The following DAB1 variants were observed in gnomAD, a reference collection of about 807,000 sequenced individuals.
The protein encoded by DAB1 is DAB adaptor protein 1.
A neutral mutation model predicts 64.6 loss-of-function variants in DAB1; 15 were observed. The observed-to-expected ratio is 0.23, with a 90% CI of 0.16 to 0.36. DAB1 has a LOEUF of 0.36. Among genes scored for constraint, DAB1 ranks in the 10% least tolerant of loss-of-function variants. DAB1 has a pLI of 1.00. For synonymous variants in DAB1, 235 were observed against 251.9 expected (o/e 0.93, Z 0.64); for missense variants, 596 against 706.7 (o/e 0.84, Z 1.78).
chr1:57,072,627 G>A (rs1237897034), intron 4 of DAB1, among the ~76,000 whole-genome samples: 1 of 152,170 alleles, frequency 6.6e-6, no homozygotes, highest in African/African-American at 2.4e-5. Flanking sequence ...AGAAACATAG[G>A]ATTGTTCATA....
At chr1:57,123,631 G>A (rs116021233) in intron 4 of DAB1, among the ~76,000 whole-genome samples, 170 of 152,202 alleles carry the variant, frequency 1.1e-3, no homozygotes, top group Non-Finnish European at 1.2e-3. Context: ...TGACAGTAGT[G>A]TTCAAAGCTG....
intron 4 of DAB1, among the ~76,000 whole-genome samples, chr1:58,293,739 C>G (rs1661902879): frequency 6.6e-6 from 1 of 152,180 alleles, no homozygotes; most frequent in East Asian, 1.9e-4. Context: ...CAGGCAGAAG[C>G]CATAAGCCCC....
At chr1:57,136,408 A>G (rs1387797162) in intron 4 of DAB1, 135 bp downstream of exon 4, 13 of 441,990 alleles carry the variant, frequency 2.9e-5, no homozygotes, top group Non-Finnish European at 8.0e-6. Context: ...ATGGATGATC[A>G]GAGTTGATCA....
At chr1:57,894,419 T>C (rs115468171) in intron 5 of DAB1, among the ~76,000 whole-genome samples, 1,583 of 152,246 alleles carry the variant, frequency 0.01, 33 homozygotes, top group African/African-American at 0.037. Flanking sequence ...GAGGCCTCTT[T>C]AAGGAAGTGA....
intron 6 of DAB1, among the ~76,000 whole-genome samples, chr1:57,709,499 G>A (rs1395574051): frequency 6.6e-6 from 1 of 151,876 alleles, no homozygotes; most frequent in African/African-American, 2.4e-5. Context: ...ATTGTCTGGG[G>A]TAATAACCGA....
intron 9 of DAB1, chr1:57,033,535 A>C (rs1647031469): frequency 6.2e-7 from 1 of 1,612,906 alleles, no homozygotes; most frequent in East Asian, 2.2e-5. Flanking sequence ...GGGTGGCTGC[A>C]GCAAACCGTT....
chr1:57,075,264 TTTTAA>T (rs1325051476), intron 4 of DAB1, among the ~76,000 whole-genome samples: 1 of 152,206 alleles, frequency 6.6e-6, no homozygotes, highest in Non-Finnish European at 1.5e-5. Context: ...GATGGAGATG[TTTTAA>T]TTTATCTGGG....
intron 5 of DAB1, among the ~76,000 whole-genome samples, chr1:57,941,186 GA>G (rs973950993): frequency 1.1e-4 from 16 of 152,162 alleles, no homozygotes; most frequent in Non-Finnish European, 1.2e-4. Context: ...CCAAGTTGTG[GA>G]CTCAAGCGCA....
chr1:57,348,617 T>C (rs1678317030), intron 1 of DAB1, among the ~76,000 whole-genome samples: 1 of 152,126 alleles, frequency 6.6e-6, no homozygotes, highest in South Asian at 2.1e-4. Context: ...TCACTCATCT[T>C]GCCAGAGTCA....
intron 4 of DAB1, among the ~76,000 whole-genome samples, chr1:58,251,217 T>C (rs1205915059): frequency 6.6e-6 from 1 of 152,234 alleles, no homozygotes; most frequent in African/African-American, 2.4e-5. Context: ...GAGGTAATTA[T>C]ATATCAGTAA....
chr1:57,642,460 C>T (rs1646141543), intron 7 of DAB1, among the ~76,000 whole-genome samples: 1 of 152,158 alleles, frequency 6.6e-6, no homozygotes, highest in African/African-American at 2.4e-5. Flanking sequence ...ACAAGATCCA[C>T]TTCCATATGT....
chr1:58,448,404 T>C (rs1645095400), intron 3 of DAB1, among the ~76,000 whole-genome samples: 1 of 152,196 alleles, frequency 6.6e-6, no homozygotes. Flanking sequence ...AATTTTACAA[T>C]AAGAAAACTG....
intron 6 of DAB1, among the ~76,000 whole-genome samples, chr1:57,715,855 A>G (rs886365889): frequency 4.6e-5 from 7 of 152,208 alleles, no homozygotes; most frequent in Non-Finnish European, 7.3e-5. Context: ...CAATGTCCAT[A>G]TTACCCAAAT....
At position 57,740,734 on chromosome 1, in the gene DAB1, C is replaced by T. The variant is rs146674308; in HGVS notation, n.552-91069G>A. 6.8e-4 allele frequency among the ~76,000 whole-genome samples: 104 copies of T among 152,202 alleles called. No homozygotes were observed. The South Asian group carries it at 0.013, about 20-fold the overall frequency. On this transcript the variant is annotated intron_variant and non_coding_transcript_variant, in intron 6 of 20. Coordinates refer to the DAB1 transcript ENST00000485760. ...TACACAGTTCACACATCATAGATGTCGGCGATTCTGATTGTCTGCTGTCTT... is the reference window on the plus strand; with the variant it reads ...TACACAGTTCACACATCATAGATGTTGGCGATTCTGATTGTCTGCTGTCTT...
chr1:57,014,425 G>A lies in DAB1; in HGVS notation c.1444+458C>T, dbSNP rs116606995. On this transcript the variant is annotated intron_variant, in intron 12 of 14. Coordinates refer to ENST00000371236, the MANE Select transcript of DAB1 (RefSeq NM_001365792.1). ...AAAACTTGTTCCCCAAATTTTTAAA[G>A]TTTGCATTCATTTTATTTCAATAAG... Among the ~76,000 whole-genome samples the A allele has an allele frequency of 3.8e-3, 574 of 152,236 alleles. 8 individuals carry two copies. The highest frequency in any genetic ancestry group is 0.013 in the African/African-American group (547 of 41,532).
intron 1 of DAB1, among the ~76,000 whole-genome samples, chr1:57,412,256 C>T (rs975553035): frequency 6.6e-6 from 1 of 152,190 alleles, no homozygotes; most frequent in African/African-American, 2.4e-5. Context: ...CACTGAGACA[C>T]AGCAATATTG....
chr1:57,238,355 C>T (rs1668244020), intron 2 of DAB1, among the ~76,000 whole-genome samples: 1 of 152,164 alleles, frequency 6.6e-6, no homozygotes, highest in Non-Finnish European at 1.5e-5. Context: ...GCACCTGTGC[C>T]ACAGCAACCT....
At chr1:57,992,673 C>G (rs1274100108) in intron 5 of DAB1, among the ~76,000 whole-genome samples, 4 of 152,104 alleles carry the variant, frequency 2.6e-5, no homozygotes, top group African/African-American at 9.7e-5. Context: ...CCTAACTGAT[C>G]ATTGTATTAA....
intron 5 of DAB1, among the ~76,000 whole-genome samples, chr1:58,041,660 C>T (rs111869114): frequency 9.8e-5 from 15 of 152,306 alleles, no homozygotes; most frequent in African/African-American, 3.4e-4. Context: ...TGCTTAAACG[C>T]TACCACACAC....
Sources: gnomAD v4.1 joint callset for allele counts (sites outside exome capture counted in the v4.1 genomes callset) on GRCh38, gnomAD v4.1.1 for gene constraint, MANE v1.5 for transcripts, NCBI Gene and HGNC (gene_info 2026-07-23, HGNC 2026-07-21) for gene names.